The following TGIF2 variants were observed in gnomAD, a reference collection of about 807,000 sequenced individuals.
TGIF2 encodes homeobox protein TGIF2.
Under a neutral mutation model 15.1 loss-of-function variants are expected in TGIF2, and 5 were observed. The observed-to-expected ratio is 0.33, with a 90% CI of 0.17 to 0.70. TGIF2 has a LOEUF of 0.70. TGIF2 is among the 30% of genes least tolerant of loss of function. The probability of loss-of-function intolerance (pLI) is 0.67; values close to 1 mark genes in which losing one functional copy is unlikely to be tolerated. For missense variants in TGIF2, 264 were observed against 302.5 expected (o/e 0.87, Z 0.94); for synonymous variants, 131 against 128.9 (o/e 1.02, Z -0.11).
At chr20:36,578,701 G>A (rs753051506) in intron 1 of TGIF2, 40 bp from the exon 2 acceptor site, 13 of 1,525,976 alleles carry the variant, frequency 8.5e-6, no homozygotes, top group Middle Eastern at 2.4e-4. Context: ...AAGGCGGTAC[G>A]TGCTAATGAT....
At chr20:36,575,299 C>T (rs1181832780) in intron 1 of TGIF2, among the ~76,000 whole-genome samples, 1 of 152,006 alleles carries the variant, frequency 6.6e-6, no homozygotes, top group African/African-American at 2.4e-5. Flanking sequence ...TGTGGGAAGC[C>T]TCCCAGACTA....
At chr20:36,576,198 C>T (rs1225070834) in intron 1 of TGIF2, among the ~76,000 whole-genome samples, 3 of 152,120 alleles carry the variant, frequency 2.0e-5, no homozygotes, top group South Asian at 2.1e-4. Context: ...AGGGAAAATC[C>T]TTCCTTCATT....
Position 36,593,454 on chromosome 20 carries a change from GCTCT to G in TGIF2, c.*2026_*2029del, listed in dbSNP as rs2038800990. 6.6e-6 allele frequency: 1 copy of G among 152,352 alleles called. No homozygotes were observed. The highest frequency in any genetic ancestry group is 2.4e-5 in the African/African-American group (1 of 41,434). 9.4% of individuals were successfully genotyped at this position (152,352 alleles called of 1,614,324 possible). A position where few individuals can be genotyped will look rare whatever the true frequency, so the allele number is the denominator to read the frequency against. The stretch of plus-strand genomic sequence containing the variant: ...CTCTCTAGGTGGGCAAGTTTCCTGG[GCTCT>G]CTGTGTTGCCTCCCTCTGGCTTCTT... On this transcript the variant is annotated 3_prime_UTR_variant, in exon 3 of 3. Transcript: ENST00000373872.
At chr20:36,574,019 C>G (rs895924724) in intron 1 of TGIF2, among the ~76,000 whole-genome samples, 1 of 151,098 alleles carries the variant, frequency 6.6e-6, no homozygotes, top group African/African-American at 2.4e-5. Context: ...TTCATAGGAT[C>G]CCACCCCAGG....
intron 2 of TGIF2, among the ~76,000 whole-genome samples, chr20:36,585,454 G>T (rs1375584377): frequency 4.2e-5 from 6 of 141,510 alleles, no homozygotes; most frequent in Non-Finnish European, 7.5e-5. Context: ...TACAGAACGG[G>T]ACTCTGTCTT....
intron 2 of TGIF2, among the ~76,000 whole-genome samples, chr20:36,582,976 C>T (rs1244352050): frequency 1.3e-5 from 2 of 152,130 alleles, no homozygotes; most frequent in Non-Finnish European, 2.9e-5. Flanking sequence ...TTATCACTCC[C>T]CAACTTAAAA....
chr20:36,587,182 G>A (rs958714217), intron 2 of TGIF2, among the ~76,000 whole-genome samples: 3 of 152,314 alleles, frequency 2.0e-5, no homozygotes, highest in Non-Finnish European at 4.4e-5. Context: ...CAGTCCCCCC[G>A]CGTTGCCTTG....
At position 36,578,744 on chromosome 20, in the gene TGIF2, T is replaced by A; in HGVS notation, c.-31T>A. The A allele has an allele frequency of 3.2e-6, 5 of 1,581,090 alleles. No homozygotes were observed. Among genetic ancestry groups the A allele is most frequent in the Non-Finnish European group, 4.3e-6 (5 of 1,163,334 alleles). On this transcript the variant is annotated 5_prime_UTR_variant, in exon 2 of 3. Transcript: ENST00000373872. ...TCCCCTGTGTCCCTTGTCCCAGGTT[T>A]ACCCAAGGTCCAGCCTAGCCCCTAG...
At position 36,578,740 on chromosome 20, in the gene TGIF2, G is replaced by T. The variant is rs370209863; in HGVS notation, c.-34-1G>T. 2.5e-5 allele frequency: 39 copies of T among 1,578,452 alleles called. No homozygotes were observed. Among genetic ancestry groups the T allele is most frequent in the Non-Finnish European group, 3.1e-5 (36 of 1,162,140 alleles). On this transcript the variant is annotated splice_acceptor_variant, in intron 1 of 2. Coordinates refer to ENST00000373872, the MANE Select transcript of TGIF2 (RefSeq NM_021809.7). LOFTEE classifies it low-confidence loss of function (5UTR_SPLICE). ...CCCATCCCCTGTGTCCCTTGTCCCAGGTTTACCCAAGGTCCAGCCTAGCCC... is the reference window on the plus strand; with the variant it reads ...CCCATCCCCTGTGTCCCTTGTCCCATGTTTACCCAAGGTCCAGCCTAGCCC...
At chr20:36,589,481 C>T (rs796208153) in intron 2 of TGIF2, among the ~76,000 whole-genome samples, 125 of 152,124 alleles carry the variant, frequency 8.2e-4, no homozygotes, top group African/African-American at 2.8e-3. Flanking sequence ...CAACCTCTGC[C>T]TCCCGGGTTC....
intron 2 of TGIF2, among the ~76,000 whole-genome samples, chr20:36,586,298 C>T (rs536705896): frequency 6.6e-5 from 10 of 152,182 alleles, no homozygotes; most frequent in Non-Finnish European, 1.3e-4. Context: ...TAAGCCTGGG[C>T]GGCCAGACTT....
chr20:36,580,116 C>T (rs2038514275), intron 2 of TGIF2, among the ~76,000 whole-genome samples: 1 of 152,156 alleles, frequency 6.6e-6, no homozygotes, highest in African/African-American at 2.4e-5. Context: ...TCAAACCTCT[C>T]CCACAAGCTC....
chr20:36,573,996 TG>T (rs1433886395), intron 1 of TGIF2, among the ~76,000 whole-genome samples: 8 of 150,066 alleles, frequency 5.3e-5, no homozygotes, highest in Non-Finnish European at 8.9e-5. Flanking sequence ...GGGGCCCTGG[TG>T]GGGGGCCCAG....
chr20:36,587,694 T>A (rs1346622695), intron 2 of TGIF2, among the ~76,000 whole-genome samples: 6 of 152,142 alleles, frequency 3.9e-5, no homozygotes, highest in African/African-American at 7.2e-5. Context: ...ACCTCTCCGA[T>A]CTGTTTCTTC....
intron 1 of TGIF2, among the ~76,000 whole-genome samples, chr20:36,578,451 A>G (rs1166527690): frequency 1.3e-5 from 2 of 151,982 alleles, no homozygotes; most frequent in Admixed American, 6.6e-5. Flanking sequence ...CCAAATGCTT[A>G]GTACCGAACA....
chr20:36,578,133 C>T (rs181563107), intron 1 of TGIF2, among the ~76,000 whole-genome samples: 16 of 152,268 alleles, frequency 1.1e-4, no homozygotes, highest in Non-Finnish European at 5.9e-5. Flanking sequence ...TCAGTACAGG[C>T]CAGGCATGGT....
intron 2 of TGIF2, among the ~76,000 whole-genome samples, chr20:36,579,644 G>A (rs1455001965): frequency 6.6e-6 from 1 of 152,196 alleles, no homozygotes. Context: ...GCTGTAATTT[G>A]CAGTGTGGTT....
chr20:36,575,376 G>A (rs986777249), intron 1 of TGIF2, among the ~76,000 whole-genome samples: 8 of 151,820 alleles, frequency 5.3e-5, no homozygotes, highest in African/African-American at 1.9e-4. Flanking sequence ...TCATTCCCCA[G>A]GGCCCACCCG....
chr20:36,590,834 C>T (rs2038755403), intron 2 of TGIF2, 76 bp from the exon 3 acceptor site: 1 of 1,451,614 alleles, frequency 6.9e-7, no homozygotes, highest in Non-Finnish European at 9.2e-7. Flanking sequence ...GTTGGGATTA[C>T]AGGTGTGAGC....
Sources: gnomAD v4.1 joint callset for allele counts (sites outside exome capture counted in the v4.1 genomes callset) on GRCh38, gnomAD v4.1.1 for gene constraint, MANE v1.5 for transcripts, NCBI Gene and HGNC (gene_info 2026-07-23, HGNC 2026-07-21) for gene names.